The following CFAP90 variants were observed in gnomAD, a reference collection of about 807,000 sequenced individuals.
CFAP90 encodes cilia and flagella associated protein 90, also known as cilia- and flagella-associated protein 90.
At chr5:7,833,956 C>T in the CFAP90 span, among the ~76,000 whole-genome samples, 1 of 152,128 alleles carries the variant, frequency 6.6e-6, no homozygotes, top group Non-Finnish European at 1.5e-5. Context: ...ATAGTACATA[C>T]AATTATGTAC....
the CFAP90 span, among the ~76,000 whole-genome samples, chr5:7,847,362 A>T: frequency 6.6e-6 from 1 of 152,174 alleles, no homozygotes; most frequent in Non-Finnish European, 1.5e-5. Context: ...ATGGAAAAAA[A>T]TTGTTTTTTC....
the CFAP90 span, chr5:7,835,280 A>T: frequency 1.5e-6 from 1 of 672,894 alleles, no homozygotes; most frequent in Non-Finnish European, 2.5e-6. Context: ...AAAATACAGT[A>T]TCTATGAAGC....
chr5:7,840,898 A>T, the CFAP90 span, among the ~76,000 whole-genome samples: 2 of 152,168 alleles, frequency 1.3e-5, 1 homozygote, highest in Admixed American at 1.3e-4. Context: ...ATGGCCGTCA[A>T]CAAGCCAAGG....
At chr5:7,848,440 G>C in the CFAP90 span, among the ~76,000 whole-genome samples, 1 of 152,132 alleles carries the variant, frequency 6.6e-6, no homozygotes, top group Non-Finnish European at 1.5e-5. Flanking sequence ...TTGTCAGCTG[G>C]GGCTGCACAA....
At chr5:7,842,323 A>T in the CFAP90 span, among the ~76,000 whole-genome samples, 1 of 152,018 alleles carries the variant, frequency 6.6e-6, no homozygotes, top group South Asian at 2.1e-4. Context: ...GAAAAAAAAA[A>T]AAACAACAGA....
the CFAP90 span, among the ~76,000 whole-genome samples, chr5:7,837,154 G>A: frequency 6.6e-6 from 1 of 152,010 alleles, no homozygotes; most frequent in Non-Finnish European, 1.5e-5. Flanking sequence ...CAACTCTGAT[G>A]TATTAGAAAA....
the CFAP90 span, among the ~76,000 whole-genome samples, chr5:7,834,424 A>C: frequency 6.6e-6 from 1 of 152,232 alleles, no homozygotes; most frequent in African/African-American, 2.4e-5. Context: ...TTTTAAAATT[A>C]AAAAGTTTAT....
chr5:7,834,307 TA>T, the CFAP90 span, among the ~76,000 whole-genome samples: 2 of 152,076 alleles, frequency 1.3e-5, no homozygotes, highest in Non-Finnish European at 2.9e-5. Flanking sequence ...TTTAAAAGCT[TA>T]AAAAAATTAA....
the CFAP90 span, among the ~76,000 whole-genome samples, chr5:7,837,045 C>T: frequency 6.6e-6 from 1 of 152,020 alleles, no homozygotes; most frequent in African/African-American, 2.4e-5. Context: ...TTTCTTTAAT[C>T]ATAGGTGATA....
At chr5:7,836,808 G>T in the CFAP90 span, among the ~76,000 whole-genome samples, 17 of 152,118 alleles carry the variant, frequency 1.1e-4, no homozygotes, top group African/African-American at 4.1e-4. Context: ...TAGACTTCAG[G>T]CAGATAAGCG....
At chr5:7,831,869 C>T in the CFAP90 span, 159 of 1,613,112 alleles carry the variant, frequency 9.9e-5, no homozygotes, top group Non-Finnish European at 9.2e-5. Flanking sequence ...AGCAATGTGC[C>T]CAAAGCCGGG....
the CFAP90 span, among the ~76,000 whole-genome samples, chr5:7,845,409 C>G: frequency 6.6e-6 from 1 of 152,160 alleles, no homozygotes; most frequent in Non-Finnish European, 1.5e-5. Flanking sequence ...CTTCTGTCCC[C>G]AACATACACA....
At chr5:7,836,922 TC>T in the CFAP90 span, among the ~76,000 whole-genome samples, 1 of 152,098 alleles carries the variant, frequency 6.6e-6, no homozygotes, top group African/African-American at 2.4e-5. Flanking sequence ...TGAGCCTTCT[TC>T]TTGAGGCCAG....
the CFAP90 span, among the ~76,000 whole-genome samples, chr5:7,838,706 C>T: frequency 2.0e-5 from 3 of 152,222 alleles, no homozygotes; most frequent in Non-Finnish European, 4.4e-5. Context: ...TGGAATCCCT[C>T]CTGACCTGGC....
At chr5:7,837,065 C>G in the CFAP90 span, among the ~76,000 whole-genome samples, 1 of 152,030 alleles carries the variant, frequency 6.6e-6, no homozygotes, top group Non-Finnish European at 1.5e-5. Flanking sequence ...AAGTGTAACA[C>G]TTGGTAATCC....
the CFAP90 span, chr5:7,832,178 G>A: frequency 5.6e-6 from 4 of 711,558 alleles, no homozygotes; most frequent in Non-Finnish European, 9.3e-6. Context: ...TGAAGCCAGG[G>A]GCTTCACAGG....
the CFAP90 span, among the ~76,000 whole-genome samples, chr5:7,840,950 G>T: frequency 6.6e-6 from 1 of 152,032 alleles, no homozygotes; most frequent in Non-Finnish European, 1.5e-5. Flanking sequence ...GCCCCTAGAA[G>T]GAACCAATCC....
the CFAP90 span, among the ~76,000 whole-genome samples, chr5:7,836,729 T>C: frequency 6.6e-6 from 1 of 152,188 alleles, no homozygotes. Context: ...TGTCTTCCCA[T>C]GACATGAATG....
At chr5:7,851,118 C>T in the CFAP90 span, 1 of 1,212,202 alleles carries the variant, frequency 8.2e-7, no homozygotes, top group East Asian at 3.2e-5. Context: ...TCAGCGCCAG[C>T]GTCTAGCCCG....
Sources: allele counts gnomAD v4.1 joint callset (sites outside exome capture counted in the v4.1 genomes callset), GRCh38; gene constraint gnomAD v4.1.1; transcripts MANE v1.5; gene names NCBI Gene and HGNC (gene_info 2026-07-23, HGNC 2026-07-21).